Variants in TRPM3 observed in about 807,000 individuals in gnomAD.
The protein encoded by TRPM3 is transient receptor potential cation channel subfamily M member 3.
A neutral mutation model predicts 181.2 loss-of-function variants in TRPM3; 77 were observed. The observed-to-expected ratio is 0.42, with a 90% CI of 0.35 to 0.51. TRPM3 has a LOEUF of 0.51. TRPM3 is among the 20% of genes least tolerant of loss of function. The pLI, the probability that TRPM3 is intolerant of heterozygous loss-of-function variation, is 0.01. For missense variants in TRPM3, 1,759 were observed against 2,196.7 expected, an observed-to-expected ratio of 0.80 and a Z score of 3.98; for synonymous variants, 745 against 796.4, an observed-to-expected ratio of 0.94 and a Z score of 1.09.
chr9:70,789,090 T>C (rs2084681385), intron 6 of TRPM3, among the ~76,000 whole-genome samples: 1 of 152,140 alleles, frequency 6.6e-6, no homozygotes. Context: ...CTGTTCACAC[T>C]TTTTTTCTAA....
chr9:70,567,102 C>A (rs932123538), intron 22 of TRPM3, among the ~76,000 whole-genome samples: 3 of 152,206 alleles, frequency 2.0e-5, no homozygotes, highest in African/African-American at 7.2e-5. Context: ...ACTGCACCTG[C>A]TGTGTCAAAG....
rs557514676 is a variant in TRPM3, at chr9:70,786,443, C to T, written c.974-2164G>A. Among the ~76,000 whole-genome samples the T allele has an allele frequency of 1.1e-3, 163 of 151,674 alleles. 1 individual carries two copies. The highest frequency in any genetic ancestry group is 1.9e-4 in the Non-Finnish European group (13 of 67,960). On this transcript the variant is annotated intron_variant, in intron 6 of 25. Coordinates refer to ENST00000677713, the MANE Select transcript of TRPM3 (RefSeq NM_001366145.2). ...GAGGCTGTAGTGAGCCAAGATCACACGATTGTGCTCCAGCCTGGGCAGCAA... is the reference window on the plus strand; with the variant it reads ...GAGGCTGTAGTGAGCCAAGATCACATGATTGTGCTCCAGCCTGGGCAGCAA...
Position 70,639,198 on chromosome 9 carries a change from C to A in TRPM3, c.1447-4G>T. The A allele has an allele frequency of 1.9e-6, 3 of 1,613,508 alleles. No individual in the cohort carries two copies. The highest frequency in any genetic ancestry group is 2.5e-6 in the Non-Finnish European group (3 of 1,179,722). ...TGGCTTGCTCCAGAGATCCCACCTGCAAACCAAGTCACTGAGTTAGTCTGC... is the reference window on the plus strand; with the variant it reads ...TGGCTTGCTCCAGAGATCCCACCTGAAAACCAAGTCACTGAGTTAGTCTGC... On this transcript the variant is annotated splice_polypyrimidine_tract_variant and splice_region_variant and intron_variant, in intron 10 of 25. Transcript: ENST00000677713.
chr9:71,272,519 T>C (rs2083882210), intron 1 of TRPM3, among the ~76,000 whole-genome samples: 1 of 152,168 alleles, frequency 6.6e-6, no homozygotes, highest in Non-Finnish European at 1.5e-5. Flanking sequence ...GATAAGCACT[T>C]AAGGAGCTTG....
chr9:71,441,240 C>A (rs540314347), intron 1 of TRPM3, among the ~76,000 whole-genome samples: 73 of 150,096 alleles, frequency 4.9e-4, no homozygotes, highest in African/African-American at 1.6e-3. Flanking sequence ...TTTTTTTTCA[C>A]ACACAAAAAA....
intron 6 of TRPM3, among the ~76,000 whole-genome samples, chr9:70,786,560 G>C (rs2083685602): frequency 6.6e-6 from 1 of 152,060 alleles, no homozygotes; most frequent in Non-Finnish European, 1.5e-5. Flanking sequence ...TTTGGGAGGA[G>C]AATTTGCTCT....
Position 71,330,595 on chromosome 9 carries a change from G to C in TRPM3, c.183+116058C>G, listed in dbSNP as rs1565468675. ...AGTATGCTATAGCAGAAAAAGCACAGATTACATTTCTGATTTCTCCATCTC... is the reference window on the plus strand; with the variant it reads ...AGTATGCTATAGCAGAAAAAGCACACATTACATTTCTGATTTCTCCATCTC... On this transcript the variant is annotated intron_variant, in intron 1 of 24. Coordinates refer to the TRPM3 transcript ENST00000357533. Among the ~76,000 whole-genome samples the C allele has an allele frequency of 2.6e-5, 4 of 151,844 alleles. No individual in the cohort carries two copies. The South Asian group carries it at 8.3e-4, about 32-fold the overall frequency.
intron 14 of TRPM3, among the ~76,000 whole-genome samples, chr9:70,621,818 C>T (rs181786340): frequency 1.5e-4 from 23 of 152,216 alleles, no homozygotes; most frequent in Non-Finnish European, 2.6e-4. Context: ...AATGAATCTA[C>T]AGAAAATGAG....
chr9:70,890,916 T>C (rs909312731), intron 1 of TRPM3, among the ~76,000 whole-genome samples: 1 of 151,744 alleles, frequency 6.6e-6, no homozygotes, highest in African/African-American at 2.4e-5. Context: ...CACTCAAGGC[T>C]GGAGTGTATG....
intron 8 of TRPM3, among the ~76,000 whole-genome samples, chr9:70,701,616 G>A (rs1292094444): frequency 1.3e-5 from 2 of 152,080 alleles, no homozygotes; most frequent in African/African-American, 4.8e-5. Context: ...ATCTGTATTA[G>A]GGACCATTTG....
chr9:71,096,126 A>G (rs1465094746), intron 1 of TRPM3, among the ~76,000 whole-genome samples: 2 of 152,030 alleles, frequency 1.3e-5, no homozygotes, highest in Admixed American at 6.6e-5. Context: ...AGTGAAGTTA[A>G]TGTTTCAAAA....
At chr9:70,537,904 T>A (rs2042198415) in intron 25 of TRPM3, among the ~76,000 whole-genome samples, 1 of 152,210 alleles carries the variant, frequency 6.6e-6, no homozygotes, top group Non-Finnish European at 1.5e-5. Flanking sequence ...TCTAGCTATT[T>A]TTATTGCAAT....
intron 1 of TRPM3, among the ~76,000 whole-genome samples, chr9:71,146,429 T>C (rs1348836727): frequency 6.6e-6 from 1 of 152,144 alleles, no homozygotes; most frequent in Admixed American, 6.6e-5. Flanking sequence ...CTATGAGCCA[T>C]TAACTTGAGA....
intron 22 of TRPM3, among the ~76,000 whole-genome samples, chr9:70,587,899 T>TA (rs1389860302): frequency 6.6e-6 from 1 of 152,180 alleles, no homozygotes. Flanking sequence ...TCCCACGAAT[T>TA]AAATCAAGGT....
intron 1 of TRPM3, among the ~76,000 whole-genome samples, chr9:71,192,045 T>C (rs1345047791): frequency 6.6e-6 from 1 of 151,848 alleles, no homozygotes; most frequent in African/African-American, 2.4e-5. Context: ...ATTTATATCA[T>C]ATACAGTAAC....
chr9:70,599,603 G>A (rs936321681), intron 20 of TRPM3, among the ~76,000 whole-genome samples: 4 of 152,078 alleles, frequency 2.6e-5, no homozygotes, highest in African/African-American at 7.2e-5. Flanking sequence ...CGATATTCAG[G>A]ATGCTTGTAC....
At chr9:70,619,508 G>T in intron 16 of TRPM3, among the ~76,000 whole-genome samples, 1 of 148,746 alleles carries the variant, frequency 6.7e-6, no homozygotes, top group South Asian at 2.1e-4. Flanking sequence ...TGACCCCCTG[G>T]GCTCAAGAGA....
chr9:71,136,009 C>T (rs190453410), intron 1 of TRPM3, among the ~76,000 whole-genome samples: 2 of 152,264 alleles, frequency 1.3e-5, no homozygotes, highest in Admixed American at 1.3e-4. Context: ...ATTTAATTAA[C>T]ATCAATTAGC....
intron 1 of TRPM3, among the ~76,000 whole-genome samples, chr9:70,885,591 G>A (rs2096071151): frequency 6.6e-6 from 1 of 152,058 alleles, no homozygotes; most frequent in South Asian, 2.1e-4. Flanking sequence ...TACTAGCCCT[G>A]GCATTCACAC....
Sources: gnomAD v4.1 joint callset for allele counts (sites outside exome capture counted in the v4.1 genomes callset) on GRCh38, gnomAD v4.1.1 for gene constraint, MANE v1.5 for transcripts, NCBI Gene and HGNC (gene_info 2026-07-23, HGNC 2026-07-21) for gene names.